Variants in CAMK4 observed in about 807,000 individuals in gnomAD.
CAMK4 encodes the protein calcium/calmodulin dependent protein kinase IV.
Under a neutral mutation model 44.9 loss-of-function variants are expected in CAMK4, and 22 were observed. The observed-to-expected ratio is 0.49, with a 90% CI of 0.35 to 0.70. The LOEUF (loss-of-function observed/expected upper bound fraction) is 0.70, where lower values mean the gene tolerates loss of function less well. Among genes scored for constraint, CAMK4 ranks in the 30% least tolerant of loss-of-function variants. The pLI is 0.01. For synonymous variants in CAMK4, 218 were observed against 215.4 expected (o/e 1.01, Z -0.11); for missense variants, 498 against 586.8 (o/e 0.85, Z 1.56).
intron 1 of CAMK4, among the ~76,000 whole-genome samples, chr5:111,279,168 C>T (rs1444892566): frequency 6.6e-6 from 1 of 152,078 alleles, no homozygotes; most frequent in African/African-American, 2.4e-5. Flanking sequence ...CAAATTTGGT[C>T]GTAGGCTTGA....
chr5:111,366,275 A>C (rs137994647), intron 2 of CAMK4, among the ~76,000 whole-genome samples: 3 of 152,292 alleles, frequency 2.0e-5, no homozygotes, highest in African/African-American at 7.2e-5. Flanking sequence ...AATCTCTGCA[A>C]GGAAAATAAG....
chr5:111,331,331 A>G (rs1341753309), intron 1 of CAMK4, among the ~76,000 whole-genome samples: 1 of 151,778 alleles, frequency 6.6e-6, no homozygotes, highest in East Asian at 1.9e-4. Context: ...AGTCCCTGCA[A>G]AAGTACTCAA....
chr5:111,315,157 A>G (rs1200883874), intron 1 of CAMK4, among the ~76,000 whole-genome samples: 1 of 152,124 alleles, frequency 6.6e-6, no homozygotes, highest in Admixed American at 6.6e-5. Flanking sequence ...CAGAGTTTTT[A>G]AAGAAGAAAA....
intron 2 of CAMK4, among the ~76,000 whole-genome samples, chr5:111,369,572 C>T (rs1750927547): frequency 6.6e-6 from 1 of 152,018 alleles, no homozygotes; most frequent in Non-Finnish European, 1.5e-5. Context: ...AATCTCTTTA[C>T]TATCTGATCT....
At chr5:111,270,473 C>G (rs1293956418) in intron 1 of CAMK4, among the ~76,000 whole-genome samples, 1 of 152,178 alleles carries the variant, frequency 6.6e-6, no homozygotes, top group Non-Finnish European at 1.5e-5. Context: ...TACACAATAG[C>G]TACACACCTG....
rs146759107 is a variant in CAMK4 at position 111,308,378 on chromosome 5, C to T, written c.162-35646C>T. 3.9e-5 allele frequency among the ~76,000 whole-genome samples: 6 copies of T among 152,056 alleles called. No homozygotes were observed. In the East Asian group the frequency reaches 9.7e-4, roughly 24 times the overall value. ...GGCTCAGAAATCCAAATATATAAAA[C>T]ATATAAAATAGGTGGTGGTAATAAG... On this transcript the variant is annotated intron_variant, in intron 1 of 10. Transcript: ENST00000282356.
chr5:111,328,791 C>T (rs1023031404), intron 1 of CAMK4, among the ~76,000 whole-genome samples: 6 of 151,996 alleles, frequency 3.9e-5, no homozygotes. Flanking sequence ...TGGGAGTTCA[C>T]TCATGATTTG....
At chr5:111,419,390 G>A (rs1214614686) in intron 5 of CAMK4, among the ~76,000 whole-genome samples, 1 of 152,076 alleles carries the variant, frequency 6.6e-6, no homozygotes, top group Non-Finnish European at 1.5e-5. Flanking sequence ...CCATTTCGTA[G>A]GTTGCCTGTT....
chr5:111,261,884 T>C (rs542727622), intron 1 of CAMK4, among the ~76,000 whole-genome samples: 1 of 152,256 alleles, frequency 6.6e-6, no homozygotes, highest in African/African-American at 2.4e-5. Context: ...TATTTTTTTT[T>C]CCTCTTTACA....
intron 8 of CAMK4, among the ~76,000 whole-genome samples, chr5:111,476,259 GTGTGTGTGTGTT>G (rs1486705856): frequency 2.8e-5 from 4 of 140,490 alleles, no homozygotes; most frequent in Non-Finnish European, 6.0e-5. Context: ...GTGTGTGTGT[GTGTGTGTGTGTT>G]TGTGTGTGTG....
chr5:111,383,878 T>C (rs533301304), intron 4 of CAMK4, among the ~76,000 whole-genome samples: 1 of 152,240 alleles, frequency 6.6e-6, no homozygotes, highest in Non-Finnish European at 1.5e-5. Flanking sequence ...AAGTTTATGC[T>C]AAGGGAATGA....
chr5:111,454,941 C>A (rs1048323519), intron 7 of CAMK4, among the ~76,000 whole-genome samples: 1 of 152,078 alleles, frequency 6.6e-6, no homozygotes, highest in African/African-American at 2.4e-5. Flanking sequence ...TTGTACTTGT[C>A]TTTATTCAAA....
rs78790483 is a variant in CAMK4 at position 111,390,052 on chromosome 5, C to G, written c.387-4658C>G. Among the ~76,000 whole-genome samples the G allele has an allele frequency of 8.1e-3, 1,232 of 152,106 alleles. 14 individuals are homozygous for G. Among genetic ancestry groups the G allele is most frequent in the African/African-American group, 0.028 (1,146 of 41,504 alleles). On this transcript the variant is annotated intron_variant, in intron 4 of 10. Coordinates refer to ENST00000282356, the MANE Select transcript of CAMK4 (RefSeq NM_001744.6). The stretch of plus-strand genomic sequence containing the variant: ...GTCAATTAAATTTTTATAAGTAGAC[C>G]ATTTAACCTAATCATGAATTGGAAA...
At chr5:111,247,369 A>G (rs1048770006) in intron 1 of CAMK4, among the ~76,000 whole-genome samples, 36 of 147,430 alleles carry the variant, frequency 2.4e-4, no homozygotes, top group Admixed American at 2.1e-3. Flanking sequence ...AATATTTTTA[A>G]TAAACTTATA....
chr5:111,491,090 T>C lies in CAMK4; in HGVS notation c.*6624T>C, dbSNP rs1355395320. ...TTTGAGATACACACATTAAAACTTA[T>C]GTGCATATTTTTTTAAAGAGTAATT... is the stretch of plus-strand genomic sequence containing the variant. On this transcript the variant is annotated 3_prime_UTR_variant, in exon 11 of 11. Transcript: ENST00000282356. The C allele has an allele frequency of 1.3e-5, 2 of 152,234 alleles. No individual in the cohort carries two copies. Among genetic ancestry groups the C allele is most frequent in the Non-Finnish European group, 2.9e-5 (2 of 68,036 alleles). The allele number at this position is 152,234 out of a possible 1,614,324, so 9.4% of individuals were successfully genotyped here.
At chr5:111,234,378 A>G (rs142319348) in intron 1 of CAMK4, among the ~76,000 whole-genome samples, 12 of 152,314 alleles carry the variant, frequency 7.9e-5, no homozygotes, top group African/African-American at 1.2e-4. Flanking sequence ...GTCACATAGA[A>G]GAAAACAGAA....
chr5:111,363,332 C>G (rs1002338798), intron 2 of CAMK4, among the ~76,000 whole-genome samples: 1 of 151,984 alleles, frequency 6.6e-6, no homozygotes, highest in Non-Finnish European at 1.5e-5. Flanking sequence ...TAATGTTAAA[C>G]CAGAATTTTT....
intron 1 of CAMK4, among the ~76,000 whole-genome samples, chr5:111,293,639 C>G (rs1421368458): frequency 2.0e-5 from 3 of 151,560 alleles, no homozygotes; most frequent in Non-Finnish European, 2.9e-5. Flanking sequence ...GTTGGCCAGG[C>G]TGGTCTCGAA....
chr5:111,459,198 G>A (rs1426948368), intron 7 of CAMK4, among the ~76,000 whole-genome samples: 3 of 152,212 alleles, frequency 2.0e-5, no homozygotes, highest in Admixed American at 6.5e-5. Flanking sequence ...TAGTAGGCCA[G>A]AGAGAAGAGA....
Sources: allele counts gnomAD v4.1 joint callset (sites outside exome capture counted in the v4.1 genomes callset), GRCh38; gene constraint gnomAD v4.1.1; transcripts MANE v1.5; gene names NCBI Gene and HGNC (gene_info 2026-07-23, HGNC 2026-07-21).